PHLDB2: variants seen among roughly 807,000 people sequenced by gnomAD.
PHLDB2 encodes the protein pleckstrin homology-like domain family B member 2.
Under a neutral mutation model 123.6 loss-of-function variants are expected in PHLDB2, and 71 were observed. That is an observed-to-expected ratio of 0.57 (90% CI 0.47 to 0.70). The LOEUF (loss-of-function observed/expected upper bound fraction) is 0.70. PHLDB2 is among the 30% of genes least tolerant of loss of function. PHLDB2 has a pLI of 0.00. For synonymous variants in PHLDB2, 547 were observed against 541.6 expected, an observed-to-expected ratio of 1.01 and a Z score of -0.14; for missense variants, 1,446 against 1,519.5, an observed-to-expected ratio of 0.95 and a Z score of 0.80.
At chr3:111,870,362 T>G (rs2065279742) in intron 1 of PHLDB2, among the ~76,000 whole-genome samples, 2 of 151,954 alleles carry the variant, frequency 1.3e-5, no homozygotes, top group Non-Finnish European at 2.9e-5. Flanking sequence ...AAGGAAATAT[T>G]TGTGAAGTAG....
At chr3:111,970,692 A>G (rs768948225) in intron 16 of PHLDB2, among the ~76,000 whole-genome samples, 1 of 152,136 alleles carries the variant, frequency 6.6e-6, no homozygotes, top group Non-Finnish European at 1.5e-5. Context: ...CATACGAAAC[A>G]TGTCTATTTT....
In PHLDB2 at chr3:111,861,967, G is replaced by A. The variant is rs961532473; in HGVS notation, c.-15+2391G>A. On this transcript the variant is annotated intron_variant, in intron 1 of 17. Transcript: ENST00000431670. ...AGCCATTTTCCTGCCTCAGCCTCCC[G>A]AGTAGCTGGGATTACAGGCGCCTGC... Among the ~76,000 whole-genome samples the A allele has an allele frequency of 1.9e-4, 29 of 151,994 alleles. 1 individual carries two copies. Among genetic ancestry groups the A allele is most frequent in the Admixed American group, 1.8e-3 (28 of 15,264 alleles).
intron 1 of PHLDB2, among the ~76,000 whole-genome samples, chr3:111,797,231 T>G (rs757212871): frequency 2.3e-4 from 35 of 152,244 alleles, no homozygotes; most frequent in Non-Finnish European, 2.9e-5. Flanking sequence ...TGACTCAATA[T>G]CTGTTTCCCC....
At chr3:111,761,183 CAAAA>C (rs60999461) in intron 1 of PHLDB2, among the ~76,000 whole-genome samples, 2 of 111,332 alleles carry the variant, frequency 1.8e-5, no homozygotes, top group Admixed American at 9.4e-5. Context: ...GACTCCATCT[CAAAA>C]AAAAAAAAAA....
intron 1 of PHLDB2, among the ~76,000 whole-genome samples, chr3:111,733,651 T>G (rs916907574): frequency 6.6e-6 from 1 of 152,230 alleles, no homozygotes; most frequent in Non-Finnish European, 1.5e-5. Context: ...AAACAAGTTA[T>G]TGAGTGATTC....
intron 1 of PHLDB2, among the ~76,000 whole-genome samples, chr3:111,826,139 T>C (rs909349935): frequency 1.3e-5 from 2 of 151,768 alleles, no homozygotes; most frequent in African/African-American, 2.4e-5. Flanking sequence ...CCATCTCTAC[T>C]AAAAATAAAA....
At chr3:111,758,847 G>T (rs754127146) in intron 1 of PHLDB2, among the ~76,000 whole-genome samples, 51 of 152,170 alleles carry the variant, frequency 3.4e-4, no homozygotes, top group Non-Finnish European at 6.3e-4. Flanking sequence ...CATGGGAGGG[G>T]TGAGTCATCA....
chr3:111,894,931 CGTGTGT>C (rs140190800), intron 2 of PHLDB2, among the ~76,000 whole-genome samples: 1 of 149,818 alleles, frequency 6.7e-6, no homozygotes, highest in Non-Finnish European at 1.5e-5. Flanking sequence ...TGCTGGTTTG[CGTGTGT>C]GTGTGTGTGT....
intron 1 of PHLDB2, among the ~76,000 whole-genome samples, chr3:111,772,362 G>T (rs9288929): frequency 0.87 from 131,607 of 152,110 alleles, 57,843 homozygotes; most frequent in East Asian, 1. Context: ...TATATTAACA[G>T]AAAGATTTTT....
In PHLDB2 at chr3:111,781,832, T is replaced by C. The variant is rs115214487; in HGVS notation, c.-49+49129T>C. 8.1e-3 allele frequency among the ~76,000 whole-genome samples: 1,228 copies of C among 152,156 alleles called. 9 individuals are homozygous for C. Among genetic ancestry groups the C allele is most frequent in the African/African-American group, 0.027 (1,116 of 41,530 alleles). ...AATCTAGAAAAGAATCCGGAGAACT[T>C]TGCAAGATTTTCTCAAGTGGTTCCT... On this transcript the variant is annotated intron_variant, in intron 1 of 17. Coordinates refer to the PHLDB2 transcript ENST00000393923.
intron 2 of PHLDB2, among the ~76,000 whole-genome samples, chr3:111,899,102 A>G (rs2067044056): frequency 6.6e-6 from 1 of 152,204 alleles, no homozygotes; most frequent in Admixed American, 6.5e-5. Flanking sequence ...AGCCTTACAG[A>G]GTATATGTTT....
chr3:111,860,970 G>C (rs1392136704), intron 1 of PHLDB2, among the ~76,000 whole-genome samples: 1 of 152,186 alleles, frequency 6.6e-6, no homozygotes, highest in African/African-American at 2.4e-5. Context: ...GTAATTTTAA[G>C]CTTCCTAGTT....
chr3:111,901,379 A>G (rs6775272), intron 2 of PHLDB2, among the ~76,000 whole-genome samples: 69,419 of 150,824 alleles, frequency 0.46, 16,885 homozygotes, highest in East Asian at 0.66. Context: ...AAAAAAATTA[A>G]CACATAATAT....
intron 1 of PHLDB2, among the ~76,000 whole-genome samples, chr3:111,872,819 G>A (rs2065411483): frequency 1.3e-5 from 2 of 152,184 alleles, no homozygotes. Flanking sequence ...CTTTTGAGTT[G>A]AATTGATTTG....
At chr3:111,786,198 C>T (rs1452554664) in intron 1 of PHLDB2, among the ~76,000 whole-genome samples, 3 of 152,138 alleles carry the variant, frequency 2.0e-5, no homozygotes, top group Non-Finnish European at 4.4e-5. Context: ...CCCTAGATTA[C>T]TTCTAATACC....
At chr3:111,751,663 T>G (rs1479006181) in intron 1 of PHLDB2, among the ~76,000 whole-genome samples, 1 of 131,502 alleles carries the variant, frequency 7.6e-6, no homozygotes, top group Non-Finnish European at 1.5e-5. Context: ...TAGGAAAAAT[T>G]TAAATGCCAA....
At chr3:111,835,737 G>A (rs1010945356) in intron 1 of PHLDB2, among the ~76,000 whole-genome samples, 11 of 152,186 alleles carry the variant, frequency 7.2e-5, no homozygotes, top group Non-Finnish European at 4.4e-5. Context: ...CTGGAGGTTG[G>A]TGCTTGCTGT....
At chr3:111,798,374 A>C (rs2061248807) in intron 1 of PHLDB2, among the ~76,000 whole-genome samples, 1 of 152,232 alleles carries the variant, frequency 6.6e-6, no homozygotes, top group African/African-American at 2.4e-5. Context: ...AAAATATTTA[A>C]AACTCAAATC....
At chr3:111,791,938 T>A (rs1361617175) in intron 1 of PHLDB2, among the ~76,000 whole-genome samples, 2 of 152,180 alleles carry the variant, frequency 1.3e-5, no homozygotes, top group Non-Finnish European at 2.9e-5. Context: ...CTAACTATAT[T>A]TTTGTACCCA....
Sources: allele counts gnomAD v4.1 joint callset (sites outside exome capture counted in the v4.1 genomes callset), GRCh38; gene constraint gnomAD v4.1.1; transcripts MANE v1.5; gene names NCBI Gene and HGNC (gene_info 2026-07-23, HGNC 2026-07-21).